The following ELAPOR2 variants were observed in gnomAD, a reference collection of about 807,000 sequenced individuals.
ELAPOR2 encodes the protein endosome-lysosome associated apoptosis and autophagy regulator family member 2, also known as endosome/lysosome-associated apoptosis and autophagy regulator family member 2.
In ELAPOR2, 89 loss-of-function variants were observed where a neutral mutation model predicts 120.7. That is an observed-to-expected ratio of 0.74 (90% CI 0.62 to 0.88). The LOEUF is 0.88. ELAPOR2 is among the 40% of genes least tolerant of loss of function. The pLI is 0.00. For missense variants in ELAPOR2, 1,134 were observed against 1,251.6 expected (o/e 0.91, Z 1.42); for synonymous variants, 444 against 444.9 (o/e 1.00, Z 0.03).
intron 2 of ELAPOR2, among the ~76,000 whole-genome samples, chr7:86,949,503 T>C (rs1273748794): frequency 6.6e-6 from 1 of 152,148 alleles, no homozygotes; most frequent in Non-Finnish European, 1.5e-5. Flanking sequence ...AGCTTCCCTG[T>C]GCTCTTGGGG....
At chr7:86,904,255 C>G (rs1788863212) in intron 18 of ELAPOR2, among the ~76,000 whole-genome samples, 1 of 152,032 alleles carries the variant, frequency 6.6e-6, no homozygotes, top group African/African-American at 2.4e-5. Flanking sequence ...ACAGAAATGT[C>G]TCATGTTTTT....
chr7:86,912,890 C>T, intron 14 of ELAPOR2, 51 bp downstream of exon 14: 1 of 1,586,292 alleles, frequency 6.3e-7, no homozygotes, highest in Non-Finnish European at 8.6e-7. Context: ...GCTTGAATTT[C>T]TCTATTAAAA....
intron 1 of ELAPOR2, among the ~76,000 whole-genome samples, chr7:87,050,959 G>A (rs1484634989): frequency 6.6e-6 from 1 of 152,206 alleles, no homozygotes; most frequent in Non-Finnish European, 1.5e-5. Flanking sequence ...ACTATACAAG[G>A]AGTAGGTTTG....
intron 1 of ELAPOR2, among the ~76,000 whole-genome samples, chr7:87,038,812 C>T (rs966944093): frequency 2.6e-5 from 4 of 151,698 alleles, no homozygotes; most frequent in African/African-American, 9.7e-5. Flanking sequence ...AAGTTTATAG[C>T]TATAAGTGTC....
At chr7:86,957,732 T>C (rs1791533381) in intron 2 of ELAPOR2, among the ~76,000 whole-genome samples, 1 of 152,150 alleles carries the variant, frequency 6.6e-6, no homozygotes, top group Admixed American at 6.5e-5. Context: ...AGGTATGATG[T>C]TAGGTACGAA....
At position 86,941,393 on chromosome 7, in the gene ELAPOR2, G is replaced by A. The variant is rs753892149; in HGVS notation, c.741+625C>T. The A allele has an allele frequency of 1.1e-5, 6 of 527,194 alleles. No individual in the cohort carries two copies. In the East Asian group the frequency reaches 2.8e-4, roughly 24 times the overall value. 32.7% of individuals were successfully genotyped at this position (527,194 alleles called of 1,614,324 possible). On this transcript the variant is annotated intron_variant, in intron 5 of 21. Coordinates refer to ENST00000450689, the MANE Select transcript of ELAPOR2 (RefSeq NM_001142749.3). The stretch of plus-strand genomic sequence containing the variant: ...AGCATTTAAGGAGCTGTCCTGTAAG[G>A]AAGCAGGCAGTTACTTTACTTCATG...
At chr7:87,032,939 G>A (rs911590988) in intron 1 of ELAPOR2, among the ~76,000 whole-genome samples, 3 of 152,058 alleles carry the variant, frequency 2.0e-5, no homozygotes, top group Non-Finnish European at 2.9e-5. Flanking sequence ...TGGAGGAGAC[G>A]AAAGATTTCT....
chr7:86,979,002 G>C (rs1562952864), intron 1 of ELAPOR2, among the ~76,000 whole-genome samples: 1 of 152,202 alleles, frequency 6.6e-6, no homozygotes, highest in African/African-American at 2.4e-5. Flanking sequence ...CTTGTCACTA[G>C]CTTTGCAGAA....
At chr7:86,985,398 T>G (rs1417224763) in intron 1 of ELAPOR2, among the ~76,000 whole-genome samples, 3 of 152,088 alleles carry the variant, frequency 2.0e-5, no homozygotes, top group African/African-American at 7.2e-5. Flanking sequence ...AAAAGAAAAT[T>G]TTAGACCAAT....
intron 19 of ELAPOR2, among the ~76,000 whole-genome samples, chr7:86,896,956 T>G (rs1788465118): frequency 1.3e-5 from 2 of 152,000 alleles, no homozygotes. Context: ...CTCAAATGTC[T>G]AACAAAGGAA....
Position 86,964,924 on chromosome 7 carries a change from G to A in ELAPOR2, c.290C>T (p.Pro97Leu), listed in dbSNP as rs1316232760. The change falls in exon 2 of 22, where the codon CCA (proline) becomes CTA (leucine). Residue 97 changes from proline to leucine, a missense_variant. Around this residue, in one of 3 missense-constraint regions of ELAPOR2, gnomAD observed 280 missense variants for 331.5 expected, o/e 0.84. Transcript: ENST00000450689. ...SAVDCSGLPD[P>L]VRGKECTFSC... Reference sequence around the variant, plus strand: ...CATACTGCATTCTTTGCCTCTCACTGGGTCAGGCAGGCCAGAGCAGTCCAC... The same window carrying A: ...CATACTGCATTCTTTGCCTCTCACTAGGTCAGGCAGGCCAGAGCAGTCCAC... 4 of 1,551,522 alleles carry A rather than the reference G, an allele frequency of 2.6e-6. No individual in the cohort carries two copies. The highest frequency in any genetic ancestry group is 3.5e-6 in the Non-Finnish European group (4 of 1,146,868).
chr7:87,010,359 G>A (rs1793615739), intron 1 of ELAPOR2, among the ~76,000 whole-genome samples: 1 of 152,162 alleles, frequency 6.6e-6, no homozygotes. Flanking sequence ...ACTATCAGAA[G>A]TACTACCTAT....
At chr7:86,952,399 GGTCT>G (rs1791295925) in intron 2 of ELAPOR2, among the ~76,000 whole-genome samples, 1 of 152,096 alleles carries the variant, frequency 6.6e-6, no homozygotes, top group Non-Finnish European at 1.5e-5. Context: ...CTCAAATTCT[GGTCT>G]GTCTGATTCC....
intron 21 of ELAPOR2, among the ~76,000 whole-genome samples, chr7:86,887,761 C>A (rs1351992349): frequency 6.6e-6 from 1 of 152,084 alleles, no homozygotes; most frequent in Non-Finnish European, 1.5e-5. Context: ...TCCCTCACCT[C>A]CTCCTGATCC....
At chr7:86,963,452 T>G (rs542337133) in intron 2 of ELAPOR2, among the ~76,000 whole-genome samples, 1 of 152,170 alleles carries the variant, frequency 6.6e-6, no homozygotes, top group South Asian at 2.1e-4. Flanking sequence ...TGTTTGCCAG[T>G]TTTCATGGAT....
intron 1 of ELAPOR2, among the ~76,000 whole-genome samples, chr7:87,045,353 C>T (rs190810664): frequency 1.3e-5 from 2 of 149,688 alleles, no homozygotes; most frequent in Admixed American, 6.6e-5. Context: ...GACTTGGAAC[C>T]AACCCAAATG....
intron 1 of ELAPOR2, among the ~76,000 whole-genome samples, chr7:87,049,099 A>T (rs1239142317): frequency 6.6e-6 from 1 of 152,188 alleles, no homozygotes; most frequent in Non-Finnish European, 1.5e-5. Context: ...GCACTCTTCA[A>T]TGTGCTAGGG....
In ELAPOR2 at chr7:86,962,929, T is replaced by C. The variant is rs10487061; in HGVS notation, c.310+1975A>G. On this transcript the variant is annotated intron_variant, in intron 2 of 21. Transcript: ENST00000450689. Reference sequence around the variant, plus strand: ...AAAGTTATGAACTGTGCTTCTAAGTTGCTTAAGCCTATTAACTTACTTGTG... The same window carrying C: ...AAAGTTATGAACTGTGCTTCTAAGTCGCTTAAGCCTATTAACTTACTTGTG... 5.9e-3 allele frequency among the ~76,000 whole-genome samples: 902 copies of C among 152,314 alleles called. 25 individuals are homozygous for C. The East Asian group carries it at 0.074, about 13-fold the overall frequency.
In ELAPOR2 at chr7:87,029,238, G is replaced by T. The variant is rs141751002; in HGVS notation, c.189+30087C>A. On this transcript the variant is annotated intron_variant, in intron 1 of 21. Coordinates refer to ENST00000450689, the MANE Select transcript of ELAPOR2 (RefSeq NM_001142749.3). Reference sequence around the variant, plus strand: ...AGGCCAGGGGTAAACATAAAAGAAGGGCTGAAAAAATATTTGTTGAAAGAA... The same window carrying T: ...AGGCCAGGGGTAAACATAAAAGAAGTGCTGAAAAAATATTTGTTGAAAGAA... 8.5e-5 allele frequency among the ~76,000 whole-genome samples: 13 copies of T among 152,248 alleles called. No individual in the cohort carries two copies. The East Asian group carries it at 2.5e-3, about 29-fold the overall frequency.
Sources: gnomAD v4.1 joint callset for allele counts (sites outside exome capture counted in the v4.1 genomes callset) on GRCh38, gnomAD v4.1.1 for gene constraint, gnomAD v4.1.1 regional missense constraint, MANE v1.5 for transcripts, NCBI Gene and HGNC (gene_info 2026-07-23, HGNC 2026-07-21) for gene names.